HACD3: variants seen among roughly 807,000 people sequenced by gnomAD.
HACD3 encodes very-long-chain (3R)-3-hydroxyacyl-CoA dehydratase 3.
A neutral mutation model predicts 55.2 loss-of-function variants in HACD3; 30 were observed. The ratio of observed to expected loss-of-function variants is 0.54; its 90% CI spans 0.41 to 0.74. HACD3 has a LOEUF of 0.74. Ranked by LOEUF, HACD3 falls within the 30% of genes least tolerant of loss-of-function variation. The pLI is 0.00. For synonymous variants in HACD3, 141 were observed against 151.7 expected, an observed-to-expected ratio of 0.93 and a Z score of 0.52; for missense variants, 363 against 440.1, an observed-to-expected ratio of 0.82 and a Z score of 1.57.
At chr15:65,542,227 CAAAAA>C (rs527287203) in intron 1 of HACD3, among the ~76,000 whole-genome samples, 1 of 63,240 alleles carries the variant, frequency 1.6e-5, no homozygotes, top group Non-Finnish European at 2.9e-5. Context: ...GACTCCATCT[CAAAAA>C]AAAAAAAAAA....
At chr15:65,551,380 A>G (rs1214515439) in intron 1 of HACD3, among the ~76,000 whole-genome samples, 1 of 152,196 alleles carries the variant, frequency 6.6e-6, no homozygotes, top group East Asian at 1.9e-4. Context: ...CATATCTCAC[A>G]TAGCACCTTG....
chr15:65,537,920 A>C (rs2071971726), intron 1 of HACD3, among the ~76,000 whole-genome samples: 1 of 135,730 alleles, frequency 7.4e-6, no homozygotes, highest in Admixed American at 7.8e-5. Context: ...CCCACTGTTG[A>C]GGCCAACTTC....
At chr15:65,568,251 A>C (rs1219522909) in intron 7 of HACD3, among the ~76,000 whole-genome samples, 1 of 151,932 alleles carries the variant, frequency 6.6e-6, no homozygotes, top group Non-Finnish European at 1.5e-5. Context: ...TTACAAGATG[A>C]AAAGAGTTGT....
At chr15:65,551,753 A>G in intron 2 of HACD3, 35 bp downstream of exon 2, 1 of 1,609,188 alleles carries the variant, frequency 6.2e-7, no homozygotes, top group Non-Finnish European at 8.5e-7. Flanking sequence ...ATCTCTATAC[A>G]CAGTTAAGGA....
intron 7 of HACD3, among the ~76,000 whole-genome samples, chr15:65,567,881 A>G (rs892292491): frequency 2.0e-5 from 3 of 151,920 alleles, no homozygotes; most frequent in Non-Finnish European, 4.4e-5. Context: ...GGTGTTTGCC[A>G]GGGGCTGGCT....
chr15:65,540,972 C>T (rs80057783), intron 1 of HACD3, among the ~76,000 whole-genome samples: 1,785 of 152,024 alleles, frequency 0.012, 44 homozygotes, highest in African/African-American at 0.042. Context: ...TTGATGGACT[C>T]GTTGGAGAGG....
rs1473097407 is a variant in HACD3 at position 65,538,375 on chromosome 15, T to A, written c.87+7657T>A. 2.6e-5 allele frequency among the ~76,000 whole-genome samples: 4 copies of A among 152,160 alleles called. No homozygotes were observed. The East Asian group carries it at 7.7e-4, about 29-fold the overall frequency. On this transcript the variant is annotated intron_variant, in intron 1 of 10. Coordinates refer to ENST00000261875, the MANE Select transcript of HACD3 (RefSeq NM_016395.4). ...ACCCTCATGGATGATTTTGAGGGGT[T>A]CAAGACTTCAGTGGAGGTAGTAACT...
At chr15:65,542,015 G>A (rs1448757905) in intron 1 of HACD3, among the ~76,000 whole-genome samples, 1 of 151,994 alleles carries the variant, frequency 6.6e-6, no homozygotes, top group Non-Finnish European at 1.5e-5. Context: ...CAGACCACGA[G>A]GTCAATAGAT....
chr15:65,571,498 A>G, intron 8 of HACD3, 50 bp from the exon 9 acceptor site: 1 of 1,346,110 alleles, frequency 7.4e-7, no homozygotes, highest in Non-Finnish European at 1.1e-6. Flanking sequence ...CTAAGGTTGC[A>G]TTCGGAACCT....
At chr15:65,549,153 G>A (rs770870049) in intron 1 of HACD3, among the ~76,000 whole-genome samples, 5 of 152,270 alleles carry the variant, frequency 3.3e-5, no homozygotes, top group Admixed American at 2.0e-4. Flanking sequence ...TAAAAACATC[G>A]AAAAGTTAAC....
At chr15:65,558,047 C>G (rs771193948) in intron 4 of HACD3, among the ~76,000 whole-genome samples, 1 of 150,928 alleles carries the variant, frequency 6.6e-6, no homozygotes, top group Non-Finnish European at 1.5e-5. Flanking sequence ...GCCATTTCTT[C>G]AAGCATCTCT....
chr15:65,564,951 C>T (rs1439450571), intron 7 of HACD3: 4 of 152,202 alleles, frequency 2.6e-5, no homozygotes, highest in African/African-American at 9.7e-5. Flanking sequence ...TAGTTACTTC[C>T]TAGATACAAG....
At chr15:65,559,066 C>G (rs1025927418) in intron 5 of HACD3, among the ~76,000 whole-genome samples, 10 of 152,228 alleles carry the variant, frequency 6.6e-5, no homozygotes, top group Non-Finnish European at 1.0e-4. Flanking sequence ...AGGCTACACT[C>G]CTTCAGCCTG....
intron 4 of HACD3, 36 bp from the exon 5 acceptor site, chr15:65,558,644 A>C: frequency 1.3e-6 from 2 of 1,563,738 alleles, no homozygotes; most frequent in Non-Finnish European, 1.7e-6. Flanking sequence ...GGGAATTCTA[A>C]CTTGTGTTCT....
chr15:65,549,015 C>T (rs1277754742), intron 1 of HACD3, among the ~76,000 whole-genome samples: 1 of 152,214 alleles, frequency 6.6e-6, no homozygotes, highest in Non-Finnish European at 1.5e-5. Flanking sequence ...GTGCATGGCA[C>T]CGGGCCTGGC....
intron 1 of HACD3, among the ~76,000 whole-genome samples, chr15:65,549,426 G>GGA (rs754982535): frequency 2.4e-3 from 269 of 111,024 alleles, no homozygotes; most frequent in African/African-American, 8.5e-3. Flanking sequence ...TCTCTGCTGG[G>GGA]AAAAAAAAAA....
At chr15:65,536,051 C>CT (rs1341725846) in intron 1 of HACD3, among the ~76,000 whole-genome samples, 1 of 152,080 alleles carries the variant, frequency 6.6e-6, no homozygotes, top group Non-Finnish European at 1.5e-5. Flanking sequence ...GGGTCTCACT[C>CT]TGTCACCCAG....
rs1163896923 is a variant in HACD3 at position 65,577,417 on chromosome 15, C to T, written c.*1038C>T. ...GCAGCTGGGGTGACAGTGCAAGACC[C>T]TGTCTCAAACCAAACCAAACCACAC... is the stretch of plus-strand genomic sequence containing the variant. On this transcript the variant is annotated 3_prime_UTR_variant, in exon 11 of 11. Coordinates refer to ENST00000261875, the MANE Select transcript of HACD3 (RefSeq NM_016395.4). 2 of 152,342 alleles carry T rather than the reference C, an allele frequency of 1.3e-5. No homozygotes were observed. Among genetic ancestry groups the T allele is most frequent in the Non-Finnish European group, 2.9e-5 (2 of 68,318 alleles). 9.4% of individuals were successfully genotyped at this position (152,342 alleles called of 1,614,324 possible). A position where few individuals can be genotyped will look rare whatever the true frequency, so the allele number is the denominator to read the frequency against.
chr15:65,534,745 C>T (rs1311213091), intron 1 of HACD3, among the ~76,000 whole-genome samples: 1 of 152,160 alleles, frequency 6.6e-6, no homozygotes, highest in Non-Finnish European at 1.5e-5. Context: ...TTCACTTAAC[C>T]TTTATGAACC....
Sources: allele counts gnomAD v4.1 joint callset (sites outside exome capture counted in the v4.1 genomes callset), GRCh38; gene constraint gnomAD v4.1.1; transcripts MANE v1.5; gene names NCBI Gene and HGNC (gene_info 2026-07-23, HGNC 2026-07-21).